MVB12B: variants seen among roughly 807,000 people sequenced by gnomAD.
MVB12B encodes ESCRT-I complex subunit MVB12B.
In MVB12B, 16 loss-of-function variants were observed where a neutral mutation model predicts 41.6. The observed-to-expected ratio is 0.38, with a 90% CI of 0.26 to 0.58. The LOEUF is 0.58. Among genes scored for constraint, MVB12B ranks in the 20% least tolerant of loss-of-function variants. MVB12B has a pLI of 0.62. For synonymous variants in MVB12B, 133 were observed against 139.7 expected (o/e 0.95, Z 0.34); for missense variants, 274 against 380.2 (o/e 0.72, Z 2.32).
chr9:126,469,894 G>A (rs1833276322), intron 7 of MVB12B, among the ~76,000 whole-genome samples: 1 of 152,140 alleles, frequency 6.6e-6, no homozygotes, highest in Non-Finnish European at 1.5e-5. Flanking sequence ...CCTGCCCCAA[G>A]CCATTAAATA....
chr9:126,433,490 C>T (rs1328033824), intron 7 of MVB12B, among the ~76,000 whole-genome samples: 1 of 152,110 alleles, frequency 6.6e-6, no homozygotes, highest in Non-Finnish European at 1.5e-5. Context: ...CAGCCCAAGC[C>T]CATCGTTTCA....
At chr9:126,426,467 C>T (rs530203841) in intron 7 of MVB12B, among the ~76,000 whole-genome samples, 7 of 152,254 alleles carry the variant, frequency 4.6e-5, no homozygotes, top group Non-Finnish European at 1.0e-4. Flanking sequence ...ACTCCAACCC[C>T]ACTCCTGAGT....
chr9:126,346,793 G>A (rs1197312929), intron 2 of MVB12B, among the ~76,000 whole-genome samples: 2 of 152,214 alleles, frequency 1.3e-5, no homozygotes, highest in African/African-American at 4.8e-5. Flanking sequence ...AGAAAACTAA[G>A]GGGAAAAGTG....
intron 2 of MVB12B, among the ~76,000 whole-genome samples, chr9:126,356,345 TG>T (rs770120229): frequency 6.6e-6 from 1 of 152,244 alleles, no homozygotes; most frequent in Non-Finnish European, 1.5e-5. Context: ...GGTCTTGTTT[TG>T]GTACTTCTTA....
chr9:126,465,589 G>C (rs1328832463), intron 7 of MVB12B, among the ~76,000 whole-genome samples: 1 of 149,662 alleles, frequency 6.7e-6, no homozygotes, highest in East Asian at 2.0e-4. Context: ...GCCATTATAT[G>C]TTAGATACTG....
chr9:126,415,244 C>T (rs1831780239), intron 6 of MVB12B, among the ~76,000 whole-genome samples: 1 of 152,090 alleles, frequency 6.6e-6, no homozygotes, highest in Non-Finnish European at 1.5e-5. Context: ...GAACCAGAGG[C>T]CTTTGTATGG....
chr9:126,329,495 C>T (rs573567707), intron 1 of MVB12B, among the ~76,000 whole-genome samples: 4 of 152,212 alleles, frequency 2.6e-5, no homozygotes, highest in Non-Finnish European at 4.4e-5. Flanking sequence ...TACAGAACCA[C>T]GCCACCATGT....
Position 126,391,461 on chromosome 9 carries a change from T to C in MVB12B, c.410-605T>C, listed in dbSNP as rs112421788. ...ATGATACTCAGGAATTCTGTTCGTT[T>C]TGTTAGGAATGGTGATGGCATGGTG... On this transcript the variant is annotated intron_variant, in intron 4 of 9. Coordinates refer to ENST00000361171, the MANE Select transcript of MVB12B (RefSeq NM_033446.3). The surrounding 1 kb of genome is among the most constrained non-coding windows in gnomAD (Gnocchi z 4.4). 1.4e-4 allele frequency among the ~76,000 whole-genome samples: 21 copies of C among 152,314 alleles called. No homozygotes were observed. The highest frequency in any genetic ancestry group is 4.8e-4 in the African/African-American group (20 of 41,562).
chr9:126,465,135 T>C (rs185692330), intron 7 of MVB12B, among the ~76,000 whole-genome samples: 6 of 152,350 alleles, frequency 3.9e-5, no homozygotes, highest in African/African-American at 1.4e-4. Context: ...TCAGCTGTCA[T>C]GTAGGATGGA....
chr9:126,491,989 C>T (rs1158034721), intron 9 of MVB12B, among the ~76,000 whole-genome samples: 3 of 151,808 alleles, frequency 2.0e-5, no homozygotes, highest in African/African-American at 4.8e-5. Flanking sequence ...GCTCCCCTGC[C>T]GATCAAAATT....
intron 2 of MVB12B, among the ~76,000 whole-genome samples, chr9:126,380,320 C>T (rs994870434): frequency 6.6e-6 from 1 of 152,194 alleles, no homozygotes; most frequent in African/African-American, 2.4e-5. Flanking sequence ...TGGGAATATC[C>T]CCCAGCCCAG....
intron 6 of MVB12B, among the ~76,000 whole-genome samples, chr9:126,407,291 G>T (rs541829525): frequency 6.6e-6 from 1 of 152,154 alleles, no homozygotes; most frequent in Non-Finnish European, 1.5e-5. Context: ...TGGGAGACAC[G>T]TCAGGGAGAG....
chr9:126,474,492 T>A (rs560804739), intron 7 of MVB12B, among the ~76,000 whole-genome samples: 48 of 152,266 alleles, frequency 3.2e-4, no homozygotes, highest in Non-Finnish European at 6.2e-4. Context: ...GCTGCCCAGA[T>A]GAGAGGAGAC....
intron 1 of MVB12B, among the ~76,000 whole-genome samples, chr9:126,331,657 C>T (rs888855385): frequency 2.6e-5 from 4 of 152,104 alleles, no homozygotes; most frequent in Non-Finnish European, 5.9e-5. Flanking sequence ...TTTGCTATTC[C>T]GGTTTTATAG....
At chr9:126,417,604 C>G (rs1300095555) in intron 6 of MVB12B, among the ~76,000 whole-genome samples, 5 of 152,232 alleles carry the variant, frequency 3.3e-5, no homozygotes, top group African/African-American at 1.2e-4. Flanking sequence ...AGTGAGCCAA[C>G]TACAACACTT....
chr9:126,336,110 C>T (rs976146419), intron 1 of MVB12B, among the ~76,000 whole-genome samples: 6 of 152,242 alleles, frequency 3.9e-5, no homozygotes, highest in Non-Finnish European at 7.3e-5. Flanking sequence ...AGTTGTTGCT[C>T]CCTGAAAGCA....
intron 7 of MVB12B, among the ~76,000 whole-genome samples, chr9:126,461,855 GT>G (rs55844068): frequency 0.65 from 98,795 of 152,018 alleles, 32,567 homozygotes; most frequent in East Asian, 0.97. Context: ...GCCCGTGGGG[GT>G]TGAGAGCATG....
At chr9:126,347,358 G>A (rs1037991997) in intron 2 of MVB12B, among the ~76,000 whole-genome samples, 35 of 152,264 alleles carry the variant, frequency 2.3e-4, no homozygotes, top group African/African-American at 7.7e-4. Flanking sequence ...TGCTGCTCCT[G>A]CCTCCCCCCA....
chr9:126,401,282 G>C (rs1331948917), intron 6 of MVB12B, among the ~76,000 whole-genome samples: 1 of 152,236 alleles, frequency 6.6e-6, no homozygotes, highest in African/African-American at 2.4e-5. Flanking sequence ...CCAGGCCTGG[G>C]TTGCCCGTAG....
Sources: allele counts gnomAD v4.1 joint callset (sites outside exome capture counted in the v4.1 genomes callset), GRCh38; gene constraint gnomAD v4.1.1; non-coding constraint Gnocchi (gnomAD v3.1); transcripts MANE v1.5; gene names NCBI Gene and HGNC (gene_info 2026-07-23, HGNC 2026-07-21).